MAN1C1: variants seen among roughly 807,000 people sequenced by gnomAD.
MAN1C1 encodes the protein mannosyl-oligosaccharide 1,2-alpha-mannosidase IC.
In MAN1C1, 49 loss-of-function variants were observed where a neutral mutation model predicts 71.5. That is an observed-to-expected ratio of 0.69 (90% CI 0.54 to 0.87). MAN1C1 has a LOEUF of 0.87. MAN1C1 is among the 40% of genes least tolerant of loss of function. MAN1C1 has a pLI of 0.00. For missense variants in MAN1C1, 743 were observed against 835.0 expected (o/e 0.89, Z 1.36); for synonymous variants, 352 against 343.7 (o/e 1.02, Z -0.27).
chr1:25,722,027 C>T (rs1368438401), intron 2 of MAN1C1, among the ~76,000 whole-genome samples: 1 of 152,220 alleles, frequency 6.6e-6, no homozygotes, highest in Non-Finnish European at 1.5e-5. Flanking sequence ...CTATTCTACT[C>T]TCACGCTTAA....
intron 5 of MAN1C1, among the ~76,000 whole-genome samples, chr1:25,756,786 C>T (rs2047292229): frequency 6.6e-6 from 1 of 152,166 alleles, no homozygotes. Flanking sequence ...TCCTCCTTTG[C>T]ATAGGGGTAT....
intron 2 of MAN1C1, 117 bp downstream of exon 2, chr1:25,686,653 A>T: frequency 1.3e-6 from 1 of 799,480 alleles, no homozygotes. Flanking sequence ...ACAGTTCTCC[A>T]GATCTGGGGC....
chr1:25,762,771 G>A (rs1349478573), intron 6 of MAN1C1, among the ~76,000 whole-genome samples: 2 of 152,044 alleles, frequency 1.3e-5, no homozygotes, highest in African/African-American at 2.4e-5. Flanking sequence ...TGGACATTTA[G>A]GTTGATTCCA....
At chr1:25,704,664 C>T (rs2046494358) in intron 2 of MAN1C1, among the ~76,000 whole-genome samples, 1 of 152,196 alleles carries the variant, frequency 6.6e-6, no homozygotes, top group African/African-American at 2.4e-5. Flanking sequence ...TGCAGTTTTC[C>T]CCGAACTCCG....
chr1:25,642,714 C>CA (rs1337597823), intron 1 of MAN1C1, among the ~76,000 whole-genome samples: 1 of 152,218 alleles, frequency 6.6e-6, no homozygotes, highest in Non-Finnish European at 1.5e-5. Context: ...ATTCCAGCTT[C>CA]AAGGGGTGGA....
chr1:25,654,482 T>C (rs2045735854), intron 1 of MAN1C1: 1 of 152,238 alleles, frequency 6.6e-6, no homozygotes, highest in South Asian at 2.1e-4. Flanking sequence ...GCCTGCCAGG[T>C]CCCAGGACTT....
At chr1:25,759,574 G>A (rs2047334296) in intron 6 of MAN1C1, 1 of 152,162 alleles carries the variant, frequency 6.6e-6, no homozygotes, top group Non-Finnish European at 1.5e-5. Context: ...ACGGCTCCCA[G>A]CAGGCAACTG....
intron 1 of MAN1C1, among the ~76,000 whole-genome samples, chr1:25,643,589 A>T (rs6685732): frequency 0.011 from 1,436 of 129,132 alleles, 24 homozygotes; most frequent in East Asian, 0.05. Flanking sequence ...ATATATATTT[A>T]TTATTATTAT....
rs533885986 is a variant in MAN1C1, at chr1:25,695,613, C to T, written c.637+9077C>T. On this transcript the variant is annotated intron_variant, in intron 2 of 11. Transcript: ENST00000374332. ...CTCACACCGCCGACCGACCACTCAC[C>T]GCTCCACACTCTGCGCTTTCCTTCT... Among the ~76,000 whole-genome samples the T allele has an allele frequency of 4.0e-5, 6 of 150,562 alleles. No individual in the cohort carries two copies. In the East Asian group the frequency reaches 7.9e-4, roughly 20 times the overall value.
At position 25,784,029 on chromosome 1, in the gene MAN1C1, A is replaced by G. The variant is rs2047734626; in HGVS notation, c.*240A>G. The G allele has an allele frequency of 2.2e-6, 1 of 445,330 alleles. No homozygotes were observed. Among genetic ancestry groups the G allele is most frequent in the Non-Finnish European group, 3.9e-6 (1 of 254,360 alleles). 27.6% of individuals were successfully genotyped at this position (445,330 alleles called of 1,614,324 possible). A position where few individuals can be genotyped will look rare whatever the true frequency, so the allele number is the denominator to read the frequency against. On this transcript the variant is annotated 3_prime_UTR_variant, in exon 12 of 12. Coordinates refer to ENST00000374332, the MANE Select transcript of MAN1C1 (RefSeq NM_020379.4). ...TCCTTTCTACAGAGAATTTCTATGA[A>G]GCCCACTCACTTGCCATTCCAGGGC...
chr1:25,696,719 T>C (rs2124204849), intron 2 of MAN1C1, among the ~76,000 whole-genome samples: 1 of 152,248 alleles, frequency 6.6e-6, no homozygotes, highest in Non-Finnish European at 1.5e-5. Flanking sequence ...TGACCATAGC[T>C]CACTGCAGCC....
At position 25,616,809 on chromosome 1, in the gene MAN1C1, G is replaced by C. The variant is rs187236409; in HGVS notation, c.-989G>C. On this transcript the variant is annotated 5_prime_UTR_variant, in exon 1 of 12. Coordinates refer to ENST00000374332, the MANE Select transcript of MAN1C1 (RefSeq NM_020379.4). The surrounding 1 kb of genome is among the most constrained non-coding windows in gnomAD (Gnocchi z 5.6). ...CTGTCGCAGTGAAAGCCCGAGCGGCGGCGGCGGCGGGGACGGCGGTGGAGG... is the reference window on the plus strand; with the variant it reads ...CTGTCGCAGTGAAAGCCCGAGCGGCCGCGGCGGCGGGGACGGCGGTGGAGG... 6.8e-6 allele frequency among the ~76,000 whole-genome samples: 1 copy of C among 147,724 alleles called. No individual in the cohort carries two copies. Among genetic ancestry groups the C allele is most frequent in the African/African-American group, 2.4e-5 (1 of 41,068 alleles).
intron 1 of MAN1C1, among the ~76,000 whole-genome samples, chr1:25,681,668 A>G (rs2046156688): frequency 6.6e-6 from 1 of 152,190 alleles, no homozygotes; most frequent in East Asian, 1.9e-4. Flanking sequence ...CTAGAATTAG[A>G]ATTGTTAGGT....
In MAN1C1 at chr1:25,746,919, C is replaced by T. The variant is rs2047137522; in HGVS notation, c.753+136C>T. 1.6e-6 allele frequency: 1 copy of T among 642,680 alleles called. No individual in the cohort carries two copies. The highest frequency in any genetic ancestry group is 1.8e-5 in the African/African-American group (1 of 54,420). The allele number at this position is 642,680 out of a possible 1,614,324, so 39.8% of individuals were successfully genotyped here. ...GCTGCACAGCCCAGCAGTCTCGGAA[C>T]CGGAGCTGCCGTGCAGTCTGTGCTG... On this transcript the variant is annotated intron_variant, in intron 3 of 11. Transcript: ENST00000374332. The surrounding 1 kb of genome is among the most constrained non-coding windows in gnomAD (Gnocchi z 4.0).
chr1:25,729,328 G>T (rs1416840438), intron 2 of MAN1C1, among the ~76,000 whole-genome samples: 1 of 152,148 alleles, frequency 6.6e-6, no homozygotes, highest in African/African-American at 2.4e-5. Flanking sequence ...ATCCATCACA[G>T]GTCCATGAGG....
intron 2 of MAN1C1, among the ~76,000 whole-genome samples, chr1:25,723,069 C>T (rs1181728963): frequency 6.6e-6 from 1 of 152,156 alleles, no homozygotes; most frequent in Non-Finnish European, 1.5e-5. Context: ...CAATATACCT[C>T]AGTGTAGGTC....
intron 1 of MAN1C1, among the ~76,000 whole-genome samples, chr1:25,660,332 CAG>C (rs921131258): frequency 1.3e-5 from 2 of 149,062 alleles, no homozygotes; most frequent in Non-Finnish European, 3.0e-5. Flanking sequence ...ACTTGGGAGA[CAG>C]AGGTTGCGGT....
At chr1:25,625,472 T>C (rs1294490738) in intron 1 of MAN1C1, among the ~76,000 whole-genome samples, 3 of 152,200 alleles carry the variant, frequency 2.0e-5, no homozygotes, top group Non-Finnish European at 2.9e-5. Context: ...TATCACAGTC[T>C]TGATTTCTAT....
intron 4 of MAN1C1, among the ~76,000 whole-genome samples, chr1:25,750,069 A>C (rs1326094784): frequency 6.6e-6 from 1 of 151,944 alleles, no homozygotes. Flanking sequence ...ACCCTCACCT[A>C]CTCATGGCCT....
Sources: allele counts gnomAD v4.1 joint callset (sites outside exome capture counted in the v4.1 genomes callset), GRCh38; gene constraint gnomAD v4.1.1; non-coding constraint Gnocchi (gnomAD v3.1); transcripts MANE v1.5; gene names NCBI Gene and HGNC (gene_info 2026-07-23, HGNC 2026-07-21).